Variants in HDAC9 observed in about 807,000 individuals in gnomAD.
HDAC9 encodes the protein histone deacetylase 9.
HDAC9 carries 41 observed loss-of-function variants against 139.4 expected under a neutral mutation model. The observed-to-expected ratio is 0.29, with a 90% CI of 0.23 to 0.38. The LOEUF (loss-of-function observed/expected upper bound fraction) is 0.38. HDAC9 is among the 10% of genes least tolerant of loss of function. The pLI is 1.00. For synonymous variants in HDAC9, 517 were observed against 476.2 expected (o/e 1.09, Z -1.12); for missense variants, 1,147 against 1,297.0 (o/e 0.88, Z 1.78).
At chr7:18,571,390 G>A (rs796804052) in intron 2 of HDAC9, among the ~76,000 whole-genome samples, 9 of 152,262 alleles carry the variant, frequency 5.9e-5, no homozygotes, top group African/African-American at 1.9e-4. Context: ...GCATTCCCTG[G>A]GGGAAAGGAA....
intron 2 of HDAC9, among the ~76,000 whole-genome samples, chr7:18,253,888 C>G (rs302136): frequency 0.015 from 2,234 of 152,284 alleles, 59 homozygotes; most frequent in African/African-American, 0.052. Flanking sequence ...TAGCCATCAC[C>G]TCTGACCACC....
At chr7:18,952,817 G>GTTT (rs11410404) in intron 23 of HDAC9, among the ~76,000 whole-genome samples, 3 of 141,850 alleles carry the variant, frequency 2.1e-5, no homozygotes, top group African/African-American at 5.2e-5. Context: ...TGGTGGTGAT[G>GTTT]TTTTTTTTTT....
At chr7:18,684,421 C>G (rs1782112912) in intron 12 of HDAC9, among the ~76,000 whole-genome samples, 1 of 151,942 alleles carries the variant, frequency 6.6e-6, no homozygotes, top group Non-Finnish European at 1.5e-5. Flanking sequence ...GGGCAGATTG[C>G]TTGAGCCCAG....
chr7:18,579,057 A>G (rs1563353811), intron 2 of HDAC9, among the ~76,000 whole-genome samples: 1 of 152,240 alleles, frequency 6.6e-6, no homozygotes, highest in African/African-American at 2.4e-5. Flanking sequence ...CTCTAGCACC[A>G]CTTGCTAAGT....
chr7:18,954,285 A>G (rs1455833878), intron 24 of HDAC9, 55 bp downstream of exon 24: 2 of 1,102,774 alleles, frequency 1.8e-6, no homozygotes, highest in East Asian at 2.6e-5. Context: ...AACTAAAATT[A>G]TATTGAAAAT....
At chr7:18,620,260 A>G (rs376084785) in intron 6 of HDAC9, among the ~76,000 whole-genome samples, 1 of 152,176 alleles carries the variant, frequency 6.6e-6, no homozygotes, top group East Asian at 1.9e-4. Context: ...GAATGTAATT[A>G]AACAATAGAT....
At chr7:18,105,614 A>G (rs560994430) in intron 1 of HDAC9, among the ~76,000 whole-genome samples, 9 of 150,014 alleles carry the variant, frequency 6.0e-5, no homozygotes, top group Non-Finnish European at 1.3e-4. Context: ...GATGCTTTCT[A>G]GATGTAGATT....
chr7:18,446,270 A>G (rs1792282928), intron 1 of HDAC9, among the ~76,000 whole-genome samples: 1 of 152,258 alleles, frequency 6.6e-6, no homozygotes, highest in African/African-American at 2.4e-5. Context: ...TGTCATATTC[A>G]GATATTATAT....
At chr7:18,736,460 G>A (rs1347212109) in intron 13 of HDAC9, among the ~76,000 whole-genome samples, 2 of 152,116 alleles carry the variant, frequency 1.3e-5, no homozygotes, top group African/African-American at 4.8e-5. Flanking sequence ...GTTGAATTTT[G>A]TCTAAGGCCT....
At chr7:18,615,873 A>G (rs1838436882) in intron 6 of HDAC9, among the ~76,000 whole-genome samples, 3 of 152,116 alleles carry the variant, frequency 2.0e-5, no homozygotes, top group Non-Finnish European at 2.9e-5. Context: ...GCCTAAACCA[A>G]TCTATATTTA....
chr7:18,994,463 A>ACT (rs1183436988), intron 25 of HDAC9, among the ~76,000 whole-genome samples: 1 of 151,954 alleles, frequency 6.6e-6, no homozygotes. Flanking sequence ...CCACCTCTAA[A>ACT]CTCTCTCTCA....
rs779152428 is a variant in HDAC9 at position 18,749,084 on chromosome 7, A to G, written c.1989A>G (p.Arg663=). The change falls in exon 14 of 26, where the codon CGA becomes CGG. Residue 663 remains arginine (R), a synonymous_variant. Transcript: ENST00000686413. ...NSTTHPEHAG[R]IQSIWSRLQE... ...CCACCCACCCTGAGCATGCTGGACGAATACAGAGTATCTGGTCACGACTGC... is the reference window on the plus strand; with the variant it reads ...CCACCCACCCTGAGCATGCTGGACGGATACAGAGTATCTGGTCACGACTGC... 6.7e-5 allele frequency: 108 copies of G among 1,613,704 alleles called. No individual in the cohort carries two copies. The highest frequency in any genetic ancestry group is 9.0e-5 in the Non-Finnish European group (106 of 1,179,832).
Position 18,592,491 on chromosome 7 carries a change from G to T in HDAC9, c.542+849G>T, listed in dbSNP as rs564174187. ...TTTCATTTCTTTCTTAGAAGTGTTT[G>T]CCAAATGACCATATATTTTTACACT... is the stretch of plus-strand genomic sequence containing the variant. On this transcript the variant is annotated intron_variant, in intron 5 of 25. Transcript: ENST00000686413. 2.5e-3 allele frequency among the ~76,000 whole-genome samples: 387 copies of T among 152,142 alleles called. 1 individual carries two copies. Among genetic ancestry groups the T allele is most frequent in the Non-Finnish European group, 4.4e-3 (297 of 67,978 alleles).
intron 1 of HDAC9, among the ~76,000 whole-genome samples, chr7:18,138,743 A>G (rs1785654024): frequency 6.6e-6 from 1 of 152,134 alleles, no homozygotes. Flanking sequence ...GGAAATGCCC[A>G]GGGACATCGC....
chr7:18,768,562 C>T (rs1585003790), intron 16 of HDAC9, among the ~76,000 whole-genome samples: 1 of 152,152 alleles, frequency 6.6e-6, no homozygotes, highest in African/African-American at 2.4e-5. Flanking sequence ...AGAGGATAAG[C>T]TGACTTTTAA....
At chr7:18,576,810 C>G (rs1653422963) in intron 2 of HDAC9, among the ~76,000 whole-genome samples, 1 of 151,954 alleles carries the variant, frequency 6.6e-6, no homozygotes, top group South Asian at 2.1e-4. Context: ...TAAGAGACAG[C>G]TAAAGAGAAT....
intron 1 of HDAC9, among the ~76,000 whole-genome samples, chr7:18,154,230 T>G (rs1787002702): frequency 6.6e-6 from 1 of 152,138 alleles, no homozygotes; most frequent in South Asian, 2.1e-4. Flanking sequence ...GAGTGAAAGA[T>G]TAAAGTAAAC....
chr7:18,929,833 G>C (rs1213344059), intron 22 of HDAC9, among the ~76,000 whole-genome samples: 1 of 152,024 alleles, frequency 6.6e-6, no homozygotes, highest in Admixed American at 6.6e-5. Flanking sequence ...CAGCTACTCG[G>C]GAGGCTGAGG....
At chr7:18,378,679 G>A (rs1388708237) in intron 1 of HDAC9, among the ~76,000 whole-genome samples, 1 of 151,978 alleles carries the variant, frequency 6.6e-6, no homozygotes, top group East Asian at 1.9e-4. Context: ...ATGTTTATAT[G>A]CATATAAATA....
Sources: allele counts gnomAD v4.1 joint callset (sites outside exome capture counted in the v4.1 genomes callset), GRCh38; gene constraint gnomAD v4.1.1; transcripts MANE v1.5; gene names NCBI Gene and HGNC (gene_info 2026-07-23, HGNC 2026-07-21).